RIMBP2: variants seen among roughly 807,000 people sequenced by gnomAD.
The protein encoded by RIMBP2 is RIMS binding protein 2.
Under a neutral mutation model 118.6 loss-of-function variants are expected in RIMBP2, and 48 were observed. The observed-to-expected ratio is 0.40, with a 90% CI of 0.32 to 0.51. The LOEUF (loss-of-function observed/expected upper bound fraction) is 0.51. RIMBP2 is among the 20% of genes least tolerant of loss of function. The pLI is 0.41. For missense variants in RIMBP2, 1,551 were observed against 1,768.3 expected (o/e 0.88, Z 2.20); for synonymous variants, 762 against 742.9 (o/e 1.03, Z -0.42).
chr12:130,639,507 AAAAAAAC>A (rs2062516681), intron 1 of RIMBP2, among the ~76,000 whole-genome samples: 1 of 151,406 alleles, frequency 6.6e-6, no homozygotes. Context: ...AAAAAAAAAA[AAAAAAAC>A]CAACTAAGTA....
intron 3 of RIMBP2, among the ~76,000 whole-genome samples, chr12:130,510,909 G>A (rs972420099): frequency 6.6e-6 from 1 of 152,062 alleles, no homozygotes; most frequent in African/African-American, 2.4e-5. Flanking sequence ...AGGAGGAGAG[G>A]GTGTGTGGAC....
chr12:130,412,330 T>C (rs2136470205), intron 19 of RIMBP2, among the ~76,000 whole-genome samples: 1 of 152,314 alleles, frequency 6.6e-6, no homozygotes, highest in East Asian at 1.9e-4. Context: ...ATGTGTTTTC[T>C]AGATGCGATA....
At chr12:130,551,025 T>G (rs995440158) in intron 2 of RIMBP2, among the ~76,000 whole-genome samples, 5 of 152,242 alleles carry the variant, frequency 3.3e-5, no homozygotes, top group African/African-American at 1.2e-4. Context: ...CTGGTGTCTA[T>G]GTGCTGTTCA....
intron 4 of RIMBP2, among the ~76,000 whole-genome samples, chr12:130,486,304 C>T (rs566685350): frequency 5.5e-4 from 83 of 152,032 alleles, no homozygotes; most frequent in African/African-American, 1.9e-3. Context: ...CCGTGGGGCG[C>T]GCTGACCTGG....
At chr12:130,630,567 G>C (rs1388723889) in intron 1 of RIMBP2, among the ~76,000 whole-genome samples, 1 of 152,118 alleles carries the variant, frequency 6.6e-6, no homozygotes, top group Non-Finnish European at 1.5e-5. Context: ...ACATGTTCTA[G>C]ATTAAAGGAT....
chr12:130,578,073 C>T lies in RIMBP2; in HGVS notation c.-217+50249G>A, dbSNP rs1299415118. ...ATCTTCTCTGAAAGGCAGATGTGAA[C>T]TGGATGGTTTCACATTAAGCCATTA... On this transcript the variant is annotated intron_variant, in intron 2 of 22. Transcript: ENST00000690449. This position sits in a 1 kb window ranked among gnomAD's most constrained non-coding sequence, Gnocchi z 4.1. Among the ~76,000 whole-genome samples the T allele has an allele frequency of 6.6e-6, 1 of 152,208 alleles. No homozygotes were observed. Among genetic ancestry groups the T allele is most frequent in the African/African-American group, 2.4e-5 (1 of 41,438 alleles).
At chr12:130,510,590 T>A (rs2050812910) in intron 3 of RIMBP2, among the ~76,000 whole-genome samples, 1 of 152,124 alleles carries the variant, frequency 6.6e-6, no homozygotes, top group South Asian at 2.1e-4. Flanking sequence ...TGCCTCAGCC[T>A]CCCAAGTAGC....
chr12:130,637,084 T>C (rs1440528272), intron 1 of RIMBP2, among the ~76,000 whole-genome samples: 2 of 152,198 alleles, frequency 1.3e-5, no homozygotes, highest in Non-Finnish European at 2.9e-5. Flanking sequence ...AAAGTGTTCA[T>C]AGCAGTATAT....
chr12:130,587,000 C>T lies in RIMBP2; in HGVS notation c.-217+41322G>A, dbSNP rs1484959197. On this transcript the variant is annotated intron_variant, in intron 2 of 22. Transcript: ENST00000690449. ...TTTACAAGAAAAAAACAAACAACCCCATCAAAAAGTGGGCGAAGGACATGA... is the reference window on the plus strand; with the variant it reads ...TTTACAAGAAAAAAACAAACAACCCTATCAAAAAGTGGGCGAAGGACATGA... 5.8e-3 allele frequency among the ~76,000 whole-genome samples: 419 copies of T among 72,866 alleles called. 7 individuals are homozygous for T. The highest frequency in any genetic ancestry group is 0.021 in the African/African-American group (398 of 18,848). The allele number at this position is 72,866 out of a possible 152,430, so 47.8% of individuals were successfully genotyped here.
At chr12:130,473,727 C>T (rs1260012346) in intron 5 of RIMBP2, among the ~76,000 whole-genome samples, 2 of 152,180 alleles carry the variant, frequency 1.3e-5, no homozygotes. Context: ...TTTTCTAATA[C>T]TCCAGGAGCA....
At position 130,710,650 on chromosome 12, in the gene RIMBP2, C is replaced by T. The variant is rs78524097; in HGVS notation, c.-352+5572G>A. On this transcript the variant is annotated intron_variant, in intron 1 of 22. Transcript: ENST00000690449. This position sits in a 1 kb window ranked among gnomAD's most constrained non-coding sequence, Gnocchi z 4.3. ...GAAGTGGCAGGTGCTGCACCTCCCC[C>T]GCCCCAGGCTCAGCACCAACAGGAA... Among the ~76,000 whole-genome samples, 1,428 of 152,300 alleles carry T rather than the reference C, an allele frequency of 9.4e-3. 21 individuals are homozygous for T. Among genetic ancestry groups the T allele is most frequent in the African/African-American group, 0.032 (1,350 of 41,564 alleles).
intron 2 of RIMBP2, among the ~76,000 whole-genome samples, chr12:130,624,613 T>A (rs1197968770): frequency 1.3e-5 from 2 of 152,252 alleles, no homozygotes; most frequent in Non-Finnish European, 2.9e-5. Context: ...ACTTTATACA[T>A]CTCTGTGAGA....
intron 2 of RIMBP2, among the ~76,000 whole-genome samples, chr12:130,597,166 A>G (rs2059611149): frequency 6.6e-6 from 1 of 152,266 alleles, no homozygotes; most frequent in Non-Finnish European, 1.5e-5. Context: ...TGACTCATAA[A>G]CAAAAAAAAT....
chr12:130,432,174 C>G, intron 14 of RIMBP2: 1 of 455,576 alleles, frequency 2.2e-6, no homozygotes, highest in South Asian at 1.6e-5. Context: ...ATGATTCACT[C>G]CTGGATAGGT....
chr12:130,532,940 C>A (rs528427083), intron 2 of RIMBP2, among the ~76,000 whole-genome samples: 1 of 147,302 alleles, frequency 6.8e-6, no homozygotes, highest in South Asian at 2.2e-4. Context: ...CTAGGAGGGA[C>A]GTCTAATGAG....
intron 1 of RIMBP2, among the ~76,000 whole-genome samples, chr12:130,665,972 T>A (rs1336997260): frequency 6.6e-6 from 1 of 152,152 alleles, no homozygotes; most frequent in African/African-American, 2.4e-5. Context: ...ATTTGCCTCA[T>A]CCTGTCTCCC....
intron 2 of RIMBP2, among the ~76,000 whole-genome samples, chr12:130,568,850 G>A (rs1181107406): frequency 6.6e-6 from 1 of 152,126 alleles, no homozygotes. Flanking sequence ...CTGCTGAGTA[G>A]GAAAGCTATT....
intron 2 of RIMBP2, among the ~76,000 whole-genome samples, chr12:130,536,743 A>G (rs1010915058): frequency 2.6e-5 from 4 of 152,148 alleles, no homozygotes; most frequent in Admixed American, 2.6e-4. Context: ...CCTTCTCTCA[A>G]CTGTGGGCTG....
At chr12:130,696,113 T>C (rs1677936476) in intron 1 of RIMBP2, among the ~76,000 whole-genome samples, 3 of 152,166 alleles carry the variant, frequency 2.0e-5, no homozygotes, top group Admixed American at 6.5e-5. Context: ...CAACGATGCA[T>C]GGACACAACC....
Sources: allele counts gnomAD v4.1 joint callset (sites outside exome capture counted in the v4.1 genomes callset), GRCh38; gene constraint gnomAD v4.1.1; non-coding constraint Gnocchi (gnomAD v3.1); transcripts MANE v1.5; gene names NCBI Gene and HGNC (gene_info 2026-07-23, HGNC 2026-07-21).